The following MALRD1 variants were observed in gnomAD, a reference collection of about 807,000 sequenced individuals.
MALRD1 encodes the protein MAM and LDL-receptor class A domain-containing protein 1.
In MALRD1, 247 loss-of-function variants were observed where a neutral mutation model predicts 242.1. That is an observed-to-expected ratio of 1.02 (90% confidence interval 0.92 to 1.13). The LOEUF (loss-of-function observed/expected upper bound fraction) is 1.13. Among genes scored for constraint, MALRD1 ranks in the 50% most tolerant of loss-of-function variants. MALRD1 has a pLI of 0.00. For synonymous variants in MALRD1, 995 were observed against 866.6 expected, an observed-to-expected ratio of 1.15 and a Z score of -2.60; for missense variants, 2,989 against 2,533.1, an observed-to-expected ratio of 1.18 and a Z score of -3.86.
chr10:19,490,511 G>GGC (rs1554783746), intron 29 of MALRD1, among the ~76,000 whole-genome samples: 2 of 128,298 alleles, frequency 1.6e-5, no homozygotes, highest in Non-Finnish European at 3.4e-5. Flanking sequence ...TGGGGCGGGG[G>GGC]GGGGGCAGGG....
At chr10:19,377,403 T>C (rs1845654608) in intron 26 of MALRD1, among the ~76,000 whole-genome samples, 1 of 152,162 alleles carries the variant, frequency 6.6e-6, no homozygotes, top group Admixed American at 6.6e-5. Flanking sequence ...ATATGCAAAG[T>C]TATTGAGAAT....
intron 33 of MALRD1, among the ~76,000 whole-genome samples, chr10:19,581,510 A>G (rs1433496272): frequency 1.3e-5 from 2 of 151,196 alleles, no homozygotes; most frequent in Non-Finnish European, 2.9e-5. Context: ...GAGAATGATG[A>G]TTTCCAATTT....
chr10:19,492,349 G>A (rs914744423), intron 30 of MALRD1, among the ~76,000 whole-genome samples: 1 of 152,068 alleles, frequency 6.6e-6, no homozygotes, highest in Non-Finnish European at 1.5e-5. Context: ...TGCCTAACAA[G>A]CTACCCCAGA....
chr10:19,082,718 C>T (rs919307042), intron 2 of MALRD1, among the ~76,000 whole-genome samples: 3 of 151,846 alleles, frequency 2.0e-5, no homozygotes, highest in Admixed American at 6.6e-5. Flanking sequence ...CAGATGCTCA[C>T]TCTCCCAAAA....
At chr10:19,220,627 C>G (rs2131663458) in intron 18 of MALRD1, among the ~76,000 whole-genome samples, 1 of 152,100 alleles carries the variant, frequency 6.6e-6, no homozygotes, top group East Asian at 1.9e-4. Flanking sequence ...ATAATTCGAC[C>G]CAGATGCGTT....
intron 21 of MALRD1, among the ~76,000 whole-genome samples, chr10:19,313,776 A>G (rs1223675311): frequency 6.6e-6 from 1 of 151,490 alleles, no homozygotes; most frequent in Non-Finnish European, 1.5e-5. Context: ...TACTTGCCCC[A>G]TAAAGTGTTA....
chr10:19,095,901 A>G (rs1836012105), intron 4 of MALRD1, among the ~76,000 whole-genome samples: 1 of 152,208 alleles, frequency 6.6e-6, no homozygotes, highest in Non-Finnish European at 1.5e-5. Context: ...ACGCTGAAGG[A>G]TGATCTTGCT....
intron 21 of MALRD1, among the ~76,000 whole-genome samples, chr10:19,295,125 G>T (rs1202507124): frequency 2.0e-5 from 3 of 152,012 alleles, no homozygotes; most frequent in African/African-American, 7.2e-5. Context: ...GTTGAACAAT[G>T]TATAGCTTTG....
Position 19,352,107 on chromosome 10 carries a change from A to G in MALRD1, c.4251A>G (p.Val1417=), listed in dbSNP as rs1420020959. The G allele has an allele frequency of 6.4e-7, 1 of 1,550,538 alleles. No homozygotes were observed. The highest frequency in any genetic ancestry group is 8.7e-7 in the Non-Finnish European group (1 of 1,146,900). Residue 1417 remains valine, a synonymous_variant, in exon 26 of 40, where the codon GTA becomes GTG. Coordinates refer to ENST00000454679, the MANE Select transcript of MALRD1 (RefSeq NM_001142308.3). The stretch of plus-strand genomic sequence containing the variant: ...CGAAGGTTCTACTTAACCTCACTGT[A>G]GAACAAGGCAATTTCTGGCGGAGAG... ...NQTKVLLNLT[V]EQGNFWRREE...
At chr10:19,193,006 G>A (rs1398233150) in intron 14 of MALRD1, among the ~76,000 whole-genome samples, 1 of 151,966 alleles carries the variant, frequency 6.6e-6, no homozygotes, top group African/African-American at 2.4e-5. Context: ...TGCCTATGTG[G>A]GTTTTCTTTG....
intron 12 of MALRD1, among the ~76,000 whole-genome samples, chr10:19,161,513 A>G (rs566906547): frequency 5.0e-5 from 6 of 119,634 alleles, no homozygotes; most frequent in African/African-American, 1.8e-4. Context: ...TAAAAAAAAT[A>G]AATAAATAAA....
chr10:19,318,208 A>G (rs2090280156), intron 21 of MALRD1, among the ~76,000 whole-genome samples: 1 of 151,968 alleles, frequency 6.6e-6, no homozygotes, highest in East Asian at 1.9e-4. Flanking sequence ...TCATTTTTCC[A>G]TTAGGAATCA....
At chr10:19,084,629 CTACCT>C in intron 2 of MALRD1, among the ~76,000 whole-genome samples, 1 of 152,000 alleles carries the variant, frequency 6.6e-6, no homozygotes, top group South Asian at 2.1e-4. Context: ...ACCGAAAATT[CTACCT>C]TATCTTTCCT....
At chr10:19,188,245 A>G (rs571004425) in intron 14 of MALRD1, among the ~76,000 whole-genome samples, 2 of 152,306 alleles carry the variant, frequency 1.3e-5, no homozygotes, top group African/African-American at 2.4e-5. Context: ...GATTGGGTTT[A>G]TTGATAGTTG....
At chr10:19,422,360 T>C (rs556406081) in intron 28 of MALRD1, among the ~76,000 whole-genome samples, 13 of 152,322 alleles carry the variant, frequency 8.5e-5, no homozygotes, top group African/African-American at 2.9e-4. Flanking sequence ...AAATATCTTT[T>C]AGATGTTAAA....
At chr10:19,729,792 A>AGT (rs1411618379) in intron 38 of MALRD1, among the ~76,000 whole-genome samples, 6 of 110,172 alleles carry the variant, frequency 5.4e-5, no homozygotes, top group Non-Finnish European at 8.3e-5. Context: ...GCTGGAGTGC[A>AGT]GTGGCGCGAT....
At chr10:19,106,572 T>TA (rs1239542144) in intron 5 of MALRD1, among the ~76,000 whole-genome samples, 1 of 151,896 alleles carries the variant, frequency 6.6e-6, no homozygotes, top group Non-Finnish European at 1.5e-5. Context: ...TTATCTTTTT[T>TA]AAAAAAACAA....
intron 10 of MALRD1, among the ~76,000 whole-genome samples, chr10:19,137,174 T>C (rs1307110110): frequency 6.6e-6 from 1 of 152,054 alleles, no homozygotes; most frequent in African/African-American, 2.4e-5. Context: ...TAGTCAATCA[T>C]CTTGGAAGCT....
At chr10:19,472,769 T>G (rs1256103233) in intron 29 of MALRD1, among the ~76,000 whole-genome samples, 1 of 151,854 alleles carries the variant, frequency 6.6e-6, no homozygotes, top group African/African-American at 2.4e-5. Context: ...ATTATTTATG[T>G]TGTTATCTGG....
Sources: allele counts gnomAD v4.1 joint callset (sites outside exome capture counted in the v4.1 genomes callset), GRCh38; gene constraint gnomAD v4.1.1; transcripts MANE v1.5; gene names NCBI Gene and HGNC (gene_info 2026-07-23, HGNC 2026-07-21).